Variants in NBAS observed in about 807,000 individuals in gnomAD.
The protein encoded by NBAS is NAG/BC035112 fusion.
NBAS carries 219 observed loss-of-function variants against 302.5 expected under a neutral mutation model. That is an observed-to-expected ratio of 0.72 (90% CI 0.65 to 0.81). NBAS has a LOEUF of 0.81. Ranked by LOEUF, NBAS falls within the 30% of genes least tolerant of loss-of-function variation. NBAS has a pLI of 0.00. For missense variants in NBAS, 2,932 were observed against 2,841.6 expected (o/e 1.03, Z -0.72); for synonymous variants, 1,118 against 1,021.6 (o/e 1.09, Z -1.80).
At chr2:15,056,429 TC>T in the NBAS span, among the ~76,000 whole-genome samples, 1 of 152,240 alleles carries the variant, frequency 6.6e-6, no homozygotes, top group Non-Finnish European at 1.5e-5. Flanking sequence ...TTGTAACGTT[TC>T]TAAAATTTGA....
the NBAS span, among the ~76,000 whole-genome samples, chr2:14,833,168 C>T: frequency 7.2e-5 from 11 of 152,306 alleles, no homozygotes; most frequent in African/African-American, 1.4e-4. Context: ...TAACCCTCCA[C>T]ATTAATTCTC....
intron 9 of NBAS, among the ~76,000 whole-genome samples, chr2:15,518,870 T>A (rs932343451): frequency 1.3e-5 from 2 of 152,078 alleles, no homozygotes; most frequent in African/African-American, 4.8e-5. Context: ...CCCATTTTTT[T>A]AAAATCATCA....
At chr2:15,007,946 A>G in the NBAS span, among the ~76,000 whole-genome samples, 1 of 152,236 alleles carries the variant, frequency 6.6e-6, no homozygotes, top group African/African-American at 2.4e-5. Context: ...AGCTATCATG[A>G]AGATTTACAA....
At chr2:14,984,975 G>A in the NBAS span, among the ~76,000 whole-genome samples, 7 of 152,110 alleles carry the variant, frequency 4.6e-5, no homozygotes, top group East Asian at 1.9e-4. Flanking sequence ...AATTAGGAAG[G>A]TGTCATCTTT....
intron 47 of NBAS, among the ~76,000 whole-genome samples, chr2:15,223,547 A>C (rs1667037702): frequency 6.6e-6 from 1 of 152,178 alleles, no homozygotes; most frequent in Non-Finnish European, 1.5e-5. Context: ...CTTCATTATA[A>C]GGGTAATACA....
the NBAS span, among the ~76,000 whole-genome samples, chr2:15,049,319 C>A: frequency 6.6e-6 from 1 of 152,222 alleles, no homozygotes; most frequent in African/African-American, 2.4e-5. Flanking sequence ...TGCCAGGCCT[C>A]CCACATGCCA....
At chr2:15,510,823 G>C (rs987714138) in intron 10 of NBAS, among the ~76,000 whole-genome samples, 1 of 152,008 alleles carries the variant, frequency 6.6e-6, no homozygotes, top group Non-Finnish European at 1.5e-5. Context: ...CAACAGACTC[G>C]GGCCAGTAAC....
chr2:14,832,969 G>A, the NBAS span, among the ~76,000 whole-genome samples: 3 of 152,258 alleles, frequency 2.0e-5, no homozygotes, highest in African/African-American at 7.2e-5. Context: ...CAGAAGAAGA[G>A]ACTGAAATGC....
At chr2:15,334,614 A>G (rs1459145437) in intron 35 of NBAS, among the ~76,000 whole-genome samples, 2 of 152,242 alleles carry the variant, frequency 1.3e-5, no homozygotes, top group African/African-American at 4.8e-5. Flanking sequence ...GTGTTATAAA[A>G]CTAATACAAA....
At chr2:15,003,903 G>C in the NBAS span, among the ~76,000 whole-genome samples, 1 of 152,164 alleles carries the variant, frequency 6.6e-6, no homozygotes, top group Admixed American at 6.5e-5. Flanking sequence ...GATAAATGCA[G>C]GACACAGTAT....
chr2:15,160,597 G>A, the NBAS span, among the ~76,000 whole-genome samples: 1 of 132,770 alleles, frequency 7.5e-6, no homozygotes. Context: ...GGGGGAGGGG[G>A]GGGGGCAGGA....
the NBAS span, among the ~76,000 whole-genome samples, chr2:14,813,777 A>G: frequency 6.6e-6 from 1 of 152,218 alleles, no homozygotes; most frequent in Non-Finnish European, 1.5e-5. Flanking sequence ...ATTTTACATA[A>G]GTAAAGGGGA....
chr2:15,450,364 A>C (rs1156741640), intron 21 of NBAS, among the ~76,000 whole-genome samples: 1 of 152,164 alleles, frequency 6.6e-6, no homozygotes, highest in Admixed American at 6.5e-5. Context: ...TTCCTACTCA[A>C]ATTTCCCAAC....
At chr2:15,478,086 T>C (rs1025948268) in intron 13 of NBAS, 140 bp downstream of exon 13, 1 of 426,724 alleles carries the variant, frequency 2.3e-6, no homozygotes, top group Non-Finnish European at 4.1e-6. Flanking sequence ...TCTGTTGCCT[T>C]GACCCAACTC....
the NBAS span, among the ~76,000 whole-genome samples, chr2:15,042,295 G>A: frequency 1.8e-3 from 271 of 152,312 alleles, no homozygotes; most frequent in Middle Eastern, 0.014. Context: ...AAGTGACAAC[G>A]TCATGTGCTG....
the NBAS span, among the ~76,000 whole-genome samples, chr2:14,812,143 A>G: frequency 2.0e-5 from 3 of 152,232 alleles, no homozygotes; most frequent in Admixed American, 6.5e-5. Flanking sequence ...GCATAGCTCT[A>G]TAGGCTAGGG....
At chr2:15,224,802 C>T (rs986166221) in intron 47 of NBAS, among the ~76,000 whole-genome samples, 2 of 152,174 alleles carry the variant, frequency 1.3e-5, no homozygotes, top group African/African-American at 4.8e-5. Context: ...CATAAACACT[C>T]ATTCCATGTA....
chr2:14,965,737 A>C, the NBAS span, among the ~76,000 whole-genome samples: 4 of 151,838 alleles, frequency 2.6e-5, no homozygotes, highest in Non-Finnish European at 5.9e-5. Context: ...TAAAAGTATG[A>C]AAAACATCTC....
chr2:15,187,256 T>A (rs2125133653), intron 49 of NBAS, among the ~76,000 whole-genome samples: 1 of 152,258 alleles, frequency 6.6e-6, no homozygotes, highest in Middle Eastern at 3.4e-3. Flanking sequence ...TGTGAAAAGG[T>A]ATTTAATGAC....
Sources: gnomAD v4.1 joint callset for allele counts (sites outside exome capture counted in the v4.1 genomes callset) on GRCh38, gnomAD v4.1.1 for gene constraint, MANE v1.5 for transcripts, NCBI Gene and HGNC (gene_info 2026-07-23, HGNC 2026-07-21) for gene names.